Variants in KLF8 observed in about 807,000 individuals in gnomAD.
KLF8 encodes the protein Krueppel-like factor 8.
Under a neutral mutation model 18.2 loss-of-function variants are expected in KLF8, and 10 were observed. The ratio of observed to expected loss-of-function variants is 0.55; its 90% confidence interval spans 0.34 to 0.93. The LOEUF (loss-of-function observed/expected upper bound fraction) is 0.93, where lower values mean the gene tolerates loss of function less well. Ranked by LOEUF, KLF8 falls within the 40% of genes least tolerant of loss-of-function variation. The pLI is 0.02. For synonymous variants in KLF8, 109 were observed against 97.3 expected (o/e 1.12, Z -0.71); for missense variants, 264 against 277.9 (o/e 0.95, Z 0.36).
chrX:56,222,664 G>A, the KLF8 span, among the ~76,000 whole-genome samples: 2 of 112,831 alleles, frequency 1.8e-5, no homozygotes, highest in Non-Finnish European at 3.8e-5. Flanking sequence ...GGCGGCGCTC[G>A]TTGGGGAGGC....
the KLF8 span, among the ~76,000 whole-genome samples, chrX:56,157,554 G>T: frequency 9.0e-6 from 1 of 111,103 alleles, no homozygotes; most frequent in Non-Finnish European, 1.9e-5. Flanking sequence ...AGCACCTGTT[G>T]TTTCCTGACT....
the KLF8 span, among the ~76,000 whole-genome samples, chrX:55,976,569 T>TACACACACACACAC: frequency 1.4e-4 from 14 of 102,565 alleles, no homozygotes; most frequent in South Asian, 4.6e-4. Flanking sequence ...TCCATTTGTG[T>TACACACACACACAC]ACACACACAC....
At chrX:56,198,848 G>T in the KLF8 span, among the ~76,000 whole-genome samples, 1 of 111,559 alleles carries the variant, frequency 9.0e-6, no homozygotes, top group African/African-American at 3.3e-5. Flanking sequence ...TATACTACAA[G>T]GCTACAGTAA....
rs1446016780 is a variant in KLF8, at chrX:56,291,389, T to G, written c.*6895T>G. On this transcript the variant is annotated 3_prime_UTR_variant, in exon 6 of 6. Transcript: ENST00000468660. ...TACTCAAGATTTGCCTCTGTTAGCA[T>G]GGCCACTTAGAGATTACTCTGTTCT... 1.8e-5 allele frequency among the ~76,000 whole-genome samples: 2 copies of G among 111,915 alleles called. No homozygotes were observed. The highest frequency in any genetic ancestry group is 3.8e-5 in the Non-Finnish European group (2 of 53,164).
upstream of KLF8, among the ~76,000 whole-genome samples, chrX:56,231,509 T>G (rs1386616669): frequency 9.0e-6 from 1 of 111,728 alleles, no homozygotes; most frequent in African/African-American, 3.3e-5. Context: ...CAGATATTAT[T>G]ATTTCTCCTG....
At chrX:56,055,327 G>A in the KLF8 span, among the ~76,000 whole-genome samples, 1 of 111,060 alleles carries the variant, frequency 9.0e-6, no homozygotes, top group African/African-American at 3.3e-5. Flanking sequence ...TTTTCTTTTT[G>A]CTTATGAAGC....
At chrX:56,279,796 G>A (rs1338439433) in intron 5 of KLF8, among the ~76,000 whole-genome samples, 2 of 112,021 alleles carry the variant, frequency 1.8e-5, no homozygotes, top group Non-Finnish European at 3.8e-5. Context: ...GCCATTTATA[G>A]AGCTAGAGAA....
At chrX:56,253,387 T>G (rs775755064) in intron 2 of KLF8, among the ~76,000 whole-genome samples, 5 of 112,094 alleles carry the variant, frequency 4.5e-5, no homozygotes, top group Non-Finnish European at 9.4e-5. Context: ...AATTTTTGTA[T>G]ATGGTTAGAG....
chrX:55,922,626 C>A, the KLF8 span, among the ~76,000 whole-genome samples: 1,719 of 111,466 alleles, frequency 0.015, 25 homozygotes, highest in African/African-American at 0.054. Context: ...AAAATAAAAT[C>A]GAAAGAAAGA....
the KLF8 span, among the ~76,000 whole-genome samples, chrX:56,131,156 TA>T: frequency 1.8e-5 from 2 of 111,748 alleles, no homozygotes; most frequent in Admixed American, 1.9e-4. Flanking sequence ...GGAAATTTAT[TA>T]GAAAAAGATT....
chrX:56,164,109 A>ATTTTTTAT, the KLF8 span, among the ~76,000 whole-genome samples: 87 of 107,868 alleles, frequency 8.1e-4, 1 homozygote, highest in African/African-American at 2.8e-3. Flanking sequence ...TTTATTTTTT[A>ATTTTTTAT]TTTTTTTTTT....
chrX:56,184,522 G>T, the KLF8 span, among the ~76,000 whole-genome samples: 1 of 112,213 alleles, frequency 8.9e-6, no homozygotes, highest in Non-Finnish European at 1.9e-5. Flanking sequence ...AGAGAGCAGT[G>T]GTTCTCCCAA....
At chrX:55,981,226 C>T in the KLF8 span, among the ~76,000 whole-genome samples, 1 of 111,832 alleles carries the variant, frequency 8.9e-6, no homozygotes, top group African/African-American at 3.3e-5. Flanking sequence ...TAAGTAATAC[C>T]AACGTTCAAA....
the KLF8 span, among the ~76,000 whole-genome samples, chrX:56,193,532 A>G: frequency 8.9e-6 from 1 of 112,368 alleles, no homozygotes; most frequent in African/African-American, 3.2e-5. Flanking sequence ...TATTTATTGC[A>G]CCACTATCAA....
At chrX:56,143,014 A>C in the KLF8 span, among the ~76,000 whole-genome samples, 1 of 111,904 alleles carries the variant, frequency 8.9e-6, no homozygotes, top group Non-Finnish European at 1.9e-5. Context: ...CTCTCTTTGT[A>C]ACCTTTTAAT....
the KLF8 span, among the ~76,000 whole-genome samples, chrX:56,112,180 C>A: frequency 9.0e-6 from 1 of 111,693 alleles, no homozygotes; most frequent in African/African-American, 3.3e-5. Flanking sequence ...ATGTCCTTTG[C>A]AGGGATGTGG....
chrX:56,048,428 T>C, the KLF8 span, among the ~76,000 whole-genome samples: 1 of 112,038 alleles, frequency 8.9e-6, no homozygotes, highest in Non-Finnish European at 1.9e-5. Context: ...TTAATCCATC[T>C]TGAATTAATT....
the KLF8 span, among the ~76,000 whole-genome samples, chrX:55,926,708 T>C: frequency 9.0e-6 from 1 of 110,940 alleles, no homozygotes. Flanking sequence ...TACTAAAACT[T>C]GACTCTGAAT....
At chrX:56,199,659 C>G in the KLF8 span, among the ~76,000 whole-genome samples, 12 of 111,563 alleles carry the variant, frequency 1.1e-4, no homozygotes, top group African/African-American at 3.6e-4. Context: ...CAATTATTGT[C>G]TAAGAGAGTG....
Sources: gnomAD v4.1 joint callset for allele counts (sites outside exome capture counted in the v4.1 genomes callset) on GRCh38, gnomAD v4.1.1 for gene constraint, MANE v1.5 for transcripts, NCBI Gene and HGNC (gene_info 2026-07-23, HGNC 2026-07-21) for gene names.